Variants in ZNF525 observed in about 807,000 individuals in gnomAD.
ZNF525 encodes zinc finger protein 525.
Under a neutral mutation model 37.6 loss-of-function variants are expected in ZNF525, and 33 were observed. That is an observed-to-expected ratio of 0.88 (90% CI 0.67 to 1.17). ZNF525 has a LOEUF of 1.17. Ranked by LOEUF, ZNF525 falls within the 50% of genes most tolerant of loss-of-function variation. The pLI is 0.00. For missense variants in ZNF525, 449 were observed against 543.1 expected, an observed-to-expected ratio of 0.83 and a Z score of 1.72; for synonymous variants, 170 against 182.3, an observed-to-expected ratio of 0.93 and a Z score of 0.54.
chr19:53,384,748 C>G lies in ZNF525; in HGVS notation c.*2729C>G. 1 of 466,466 alleles carries G rather than the reference C, an allele frequency of 2.1e-6. No homozygotes were observed. Among genetic ancestry groups the G allele is most frequent in the African/African-American group, 2.0e-5 (1 of 49,642 alleles). 28.9% of individuals were successfully genotyped at this position (466,466 alleles called of 1,614,324 possible). Reference sequence around the variant, plus strand: ...TCGTCTACAAACAAATGTAATTTTACTTCTTTCTTTCTGATTTGGATGAGT... The same window carrying G: ...TCGTCTACAAACAAATGTAATTTTAGTTCTTTCTTTCTGATTTGGATGAGT... On this transcript the variant is annotated 3_prime_UTR_variant, in exon 4 of 4. Transcript: ENST00000474037.
Position 53,383,666 on chromosome 19 carries a change from C to T in ZNF525, c.*1647C>T, listed in dbSNP as rs1366658292. On this transcript the variant is annotated 3_prime_UTR_variant, in exon 4 of 4. Coordinates refer to ENST00000474037, the MANE Select transcript of ZNF525 (RefSeq NM_001348156.2). ...GAAACTTGACTAACGTAATGATTCT[C>T]ACAACGTCTTCAGTAATGCTACAAC... 2.5e-6 allele frequency: 2 copies of T among 801,596 alleles called. No individual in the cohort carries two copies. The highest frequency in any genetic ancestry group is 3.9e-6 in the Non-Finnish European group (2 of 507,554). 49.7% of individuals were successfully genotyped at this position (801,596 alleles called of 1,614,324 possible).
chr19:53,379,322 T>A (rs2147071875), intron 3 of ZNF525: 1 of 152,306 alleles, frequency 6.6e-6, no homozygotes, highest in South Asian at 2.1e-4. Context: ...TTCACCACGT[T>A]GGCCAGGCTA....
intron 1 of ZNF525, among the ~76,000 whole-genome samples, chr19:53,371,431 A>G (rs1366148611): frequency 6.6e-6 from 1 of 151,730 alleles, no homozygotes; most frequent in Non-Finnish European, 1.5e-5. Flanking sequence ...GAGTGCAGTG[A>G]CATGATCTCG....
chr19:53,368,046 T>G (rs1365112146), intron 1 of ZNF525, among the ~76,000 whole-genome samples: 1 of 145,538 alleles, frequency 6.9e-6, no homozygotes, highest in African/African-American at 2.5e-5. Flanking sequence ...ATATCTCTTT[T>G]GTTTTTTTTC....
Sources: gnomAD v4.1 joint callset for allele counts (sites outside exome capture counted in the v4.1 genomes callset) on GRCh38, gnomAD v4.1.1 for gene constraint, MANE v1.5 for transcripts, NCBI Gene and HGNC (gene_info 2026-07-23, HGNC 2026-07-21) for gene names.